DPYD: variants seen among roughly 807,000 people sequenced by gnomAD.
The protein encoded by DPYD is dihydropyrimidine dehydrogenase.
In DPYD, 109 loss-of-function variants were observed where a neutral mutation model predicts 116.2. That is an observed-to-expected ratio of 0.94 (90% confidence interval 0.80 to 1.10). DPYD has a LOEUF of 1.10. Among genes scored for constraint, DPYD ranks in the 50% least tolerant of loss-of-function variants. The pLI is 0.00. For missense variants in DPYD, 1,302 were observed against 1,254.5 expected, an observed-to-expected ratio of 1.04 and a Z score of -0.57; for synonymous variants, 440 against 432.0, an observed-to-expected ratio of 1.02 and a Z score of -0.23.
At chr1:97,369,782 A>T (rs1671223646) in intron 16 of DPYD, among the ~76,000 whole-genome samples, 1 of 152,192 alleles carries the variant, frequency 6.6e-6, no homozygotes, top group Non-Finnish European at 1.5e-5. Flanking sequence ...ATAAAAGACC[A>T]AGGGTTCTAT....
intron 18 of DPYD, among the ~76,000 whole-genome samples, chr1:97,284,864 G>T (rs1665562236): frequency 6.6e-6 from 1 of 152,098 alleles, no homozygotes; most frequent in African/African-American, 2.4e-5. Context: ...TTTTATTTGT[G>T]CTGCTGTATT....
At chr1:97,134,013 AAATAT>A (rs1653568493) in intron 20 of DPYD, among the ~76,000 whole-genome samples, 1 of 18,800 alleles carries the variant, frequency 5.3e-5, no homozygotes, top group Non-Finnish European at 1.0e-4. Flanking sequence ...AAAAAAAAAA[AAATAT>A]ATATATATAT....
chr1:97,096,969 G>A (rs1480885954), intron 21 of DPYD, among the ~76,000 whole-genome samples: 1 of 152,278 alleles, frequency 6.6e-6, no homozygotes, highest in South Asian at 2.1e-4. Context: ...GAACCCCTGG[G>A]CAGGAACCAA....
intron 20 of DPYD, among the ~76,000 whole-genome samples, chr1:97,120,479 G>A (rs1316058398): frequency 1.3e-5 from 2 of 152,036 alleles, no homozygotes; most frequent in Admixed American, 1.3e-4. Context: ...GAGCCTCATC[G>A]CCAGTAATAA....
At chr1:97,823,075 T>C (rs1669042268) in intron 3 of DPYD, among the ~76,000 whole-genome samples, 1 of 152,232 alleles carries the variant, frequency 6.6e-6, no homozygotes, top group Non-Finnish European at 1.5e-5. Context: ...ACATATTAGA[T>C]TGTGTAATGA....
intron 13 of DPYD, among the ~76,000 whole-genome samples, chr1:97,463,821 TGA>T (rs1320818291): frequency 6.6e-6 from 1 of 152,142 alleles, no homozygotes; most frequent in African/African-American, 2.4e-5. Flanking sequence ...ACTCTGAACT[TGA>T]GAGAGATGAT....
intron 18 of DPYD, among the ~76,000 whole-genome samples, chr1:97,258,555 T>C (rs1570776183): frequency 6.6e-6 from 1 of 152,134 alleles, no homozygotes; most frequent in Non-Finnish European, 1.5e-5. Context: ...GATGTCTATT[T>C]CCCAAGATCA....
intron 3 of DPYD, among the ~76,000 whole-genome samples, chr1:97,824,718 T>C (rs1571420860): frequency 6.6e-6 from 1 of 152,222 alleles, no homozygotes; most frequent in African/African-American, 2.4e-5. Context: ...CAGTCTAGTC[T>C]TACTCTGTTA....
At chr1:97,625,120 CA>C (rs1285153073) in intron 8 of DPYD, among the ~76,000 whole-genome samples, 4 of 151,842 alleles carry the variant, frequency 2.6e-5, no homozygotes, top group African/African-American at 9.7e-5. Flanking sequence ...ATGTTCTTAC[CA>C]CAAAAAAGTT....
intron 5 of DPYD, chr1:97,720,574 G>T: frequency 9.3e-7 from 1 of 1,071,424 alleles, no homozygotes; most frequent in South Asian, 4.1e-5. Context: ...CAGAAAGCAG[G>T]AAGGGAATAA....
chr1:97,151,032 TTGTTA>T (rs1557895064), intron 20 of DPYD, among the ~76,000 whole-genome samples: 1 of 152,208 alleles, frequency 6.6e-6, no homozygotes, highest in Non-Finnish European at 1.5e-5. Flanking sequence ...TTATGGCCTC[TTGTTA>T]TAAGATAAGC....
chr1:97,524,782 C>T (rs576009477), intron 12 of DPYD, among the ~76,000 whole-genome samples: 1 of 152,176 alleles, frequency 6.6e-6, no homozygotes, highest in African/African-American at 2.4e-5. Flanking sequence ...ATTTACACCC[C>T]CAAATTTCTA....
intron 14 of DPYD, among the ~76,000 whole-genome samples, chr1:97,390,568 T>G (rs559558635): frequency 1.3e-5 from 2 of 152,126 alleles, no homozygotes; most frequent in East Asian, 1.9e-4. Flanking sequence ...TTTTCTAATT[T>G]TATTTGTTCA....
chr1:97,507,946 A>G (rs1021066958), intron 13 of DPYD, among the ~76,000 whole-genome samples: 5 of 152,028 alleles, frequency 3.3e-5, no homozygotes, highest in Non-Finnish European at 7.4e-5. Flanking sequence ...GCTGTCTCCA[A>G]GTAACTGAAG....
chr1:97,801,111 G>T (rs543157169), intron 3 of DPYD, among the ~76,000 whole-genome samples: 2 of 151,932 alleles, frequency 1.3e-5, no homozygotes, highest in East Asian at 3.9e-4. Context: ...GAAGCCTTTG[G>T]TGGGTAATGA....
intron 19 of DPYD, among the ~76,000 whole-genome samples, chr1:97,217,274 A>T (rs181780298): frequency 2.0e-5 from 3 of 152,310 alleles, no homozygotes; most frequent in Admixed American, 6.5e-5. Context: ...GGTGGAAATT[A>T]ACACACGTTT....
In DPYD at chr1:97,597,064, G is replaced by A. The variant is rs148467154; in HGVS notation, c.851-1898C>T. 2.2e-3 allele frequency among the ~76,000 whole-genome samples: 333 copies of A among 152,276 alleles called. 4 individuals are homozygous for A. The highest frequency in any genetic ancestry group is 7.5e-3 in the African/African-American group (311 of 41,558). On this transcript the variant is annotated intron_variant, in intron 8 of 22. Coordinates refer to ENST00000370192, the MANE Select transcript of DPYD (RefSeq NM_000110.4). ...GTGATTCTTTTAGAAAACCTGGGTT[G>A]GAGGGATGGGGTTGGTAAAAATAGC...
intron 20 of DPYD, among the ~76,000 whole-genome samples, chr1:97,166,057 C>T (rs1656301104): frequency 6.6e-6 from 1 of 152,136 alleles, no homozygotes; most frequent in Non-Finnish European, 1.5e-5. Context: ...CCATTCAACC[C>T]AGCAATCCCA....
intron 20 of DPYD, among the ~76,000 whole-genome samples, chr1:97,190,195 T>G (rs1658258211): frequency 6.6e-6 from 1 of 152,142 alleles, no homozygotes; most frequent in Non-Finnish European, 1.5e-5. Context: ...ATGTGATGCT[T>G]CTCTGGCATT....
Sources: allele counts gnomAD v4.1 joint callset (sites outside exome capture counted in the v4.1 genomes callset), GRCh38; gene constraint gnomAD v4.1.1; transcripts MANE v1.5; gene names NCBI Gene and HGNC (gene_info 2026-07-23, HGNC 2026-07-21).